Variants in TRDN observed in about 807,000 individuals in gnomAD.
TRDN encodes the protein triadin in skeletal muscle.
Under a neutral mutation model 149.7 loss-of-function variants are expected in TRDN, and 161 were observed. The ratio of observed to expected loss-of-function variants is 1.08; its 90% CI spans 0.95 to 1.23. The LOEUF is 1.23. Ranked by LOEUF, TRDN falls within the 50% of genes most tolerant of loss-of-function variation. TRDN has a pLI of 0.00. For synonymous variants in TRDN, 294 were observed against 250.5 expected (o/e 1.17, Z -1.64); for missense variants, 896 against 823.5 (o/e 1.09, Z -1.08).
chr6:123,585,905 G>A (rs1027789015), intron 1 of TRDN, among the ~76,000 whole-genome samples: 6 of 152,112 alleles, frequency 3.9e-5, no homozygotes, highest in Admixed American at 6.5e-5. Context: ...CCTTGAAGGC[G>A]AGGTTGATTA....
At chr6:123,613,552 A>C (rs542295241) in intron 1 of TRDN, among the ~76,000 whole-genome samples, 1 of 152,274 alleles carries the variant, frequency 6.6e-6, no homozygotes, top group South Asian at 2.1e-4. Context: ...GCATGGAGAC[A>C]GCTTGCAGTG....
chr6:123,396,727 G>A (rs1772747937), intron 12 of TRDN, among the ~76,000 whole-genome samples: 1 of 152,134 alleles, frequency 6.6e-6, no homozygotes, highest in Admixed American at 6.5e-5. Flanking sequence ...GGAACAACCT[G>A]ATTTACAAAA....
At position 123,324,420 on chromosome 6, in the gene TRDN, G is replaced by C. The variant is rs181319185; in HGVS notation, c.1471+7459C>G. On this transcript the variant is annotated intron_variant, in intron 23 of 40. Coordinates refer to ENST00000334268, the MANE Select transcript of TRDN (RefSeq NM_006073.4). ...TCTTGAGCCCAGGAGTTTGAGGCCA[G>C]CCTGAGCAACAGAGCAAGACCTCAT... Among the ~76,000 whole-genome samples the C allele has an allele frequency of 6.1e-3, 931 of 152,106 alleles. 9 individuals carry two copies. Among genetic ancestry groups the C allele is most frequent in the African/African-American group, 0.022 (902 of 41,494 alleles).
At chr6:123,291,179 A>G (rs773972197) in intron 24 of TRDN, among the ~76,000 whole-genome samples, 2 of 152,134 alleles carry the variant, frequency 1.3e-5, no homozygotes, top group Admixed American at 6.6e-5. Context: ...TTCTTTTCCA[A>G]GAAAGCATAT....
intron 12 of TRDN, among the ~76,000 whole-genome samples, chr6:123,420,555 G>GA (rs951439668): frequency 6.6e-6 from 1 of 152,176 alleles, no homozygotes; most frequent in African/African-American, 2.4e-5. Context: ...ACAATATTTA[G>GA]TTTTTCTCTA....
chr6:123,334,697 CT>C (rs1355855352), intron 22 of TRDN, among the ~76,000 whole-genome samples: 1 of 151,916 alleles, frequency 6.6e-6, no homozygotes, highest in Non-Finnish European at 1.5e-5. Context: ...ACATATCATT[CT>C]CCTGATTTTT....
At chr6:123,375,102 C>T (rs1375231898) in intron 19 of TRDN, among the ~76,000 whole-genome samples, 2 of 152,110 alleles carry the variant, frequency 1.3e-5, no homozygotes, top group Middle Eastern at 3.2e-3. Context: ...ACCATTGCTG[C>T]AAATGCCACA....
chr6:123,472,123 T>G (rs1411394026), intron 9 of TRDN, among the ~76,000 whole-genome samples: 1 of 152,126 alleles, frequency 6.6e-6, no homozygotes, highest in Non-Finnish European at 1.5e-5. Flanking sequence ...GCTCCCAGCG[T>G]GAGCGACGCA....
intron 12 of TRDN, among the ~76,000 whole-genome samples, chr6:123,423,652 T>C (rs1773997408): frequency 6.6e-6 from 1 of 152,130 alleles, no homozygotes; most frequent in Non-Finnish European, 1.5e-5. Flanking sequence ...ATTAATTAAA[T>C]CATGTAATGT....
intron 39 of TRDN, among the ~76,000 whole-genome samples, chr6:123,222,395 G>C (rs1159124078): frequency 6.6e-6 from 1 of 151,528 alleles, no homozygotes; most frequent in Non-Finnish European, 1.5e-5. Flanking sequence ...TTTAATTCTA[G>C]GGAGACCTAC....
At chr6:123,525,770 T>C (rs1203341256) in intron 5 of TRDN, among the ~76,000 whole-genome samples, 1 of 152,092 alleles carries the variant, frequency 6.6e-6, no homozygotes, top group Non-Finnish European at 1.5e-5. Context: ...GCATGCATGC[T>C]TGTCAAGACT....
chr6:123,351,385 A>G, intron 21 of TRDN: 2 of 984,324 alleles, frequency 2.0e-6, no homozygotes, highest in Non-Finnish European at 2.4e-6. Context: ...CGCATAAATG[A>G]ACACACTGAA....
At chr6:123,333,965 G>A (rs544198345) in intron 22 of TRDN, among the ~76,000 whole-genome samples, 2 of 152,120 alleles carry the variant, frequency 1.3e-5, no homozygotes, top group Admixed American at 1.3e-4. Context: ...CACGAACATT[G>A]TTATGGAAAA....
intron 4 of TRDN, among the ~76,000 whole-genome samples, chr6:123,546,965 A>G (rs1445540148): frequency 6.6e-6 from 1 of 152,082 alleles, no homozygotes; most frequent in Middle Eastern, 3.2e-3. Flanking sequence ...AAATAAAAGG[A>G]AAAGAATAAG....
intron 38 of TRDN, among the ~76,000 whole-genome samples, chr6:123,224,617 C>T (rs1177236371): frequency 6.6e-6 from 1 of 151,644 alleles, no homozygotes; most frequent in Non-Finnish European, 1.5e-5. Context: ...ATACATGAGT[C>T]AACTAATCTT....
intron 2 of TRDN, among the ~76,000 whole-genome samples, chr6:123,564,317 G>C (rs1782164044): frequency 6.6e-6 from 1 of 152,164 alleles, no homozygotes; most frequent in Non-Finnish European, 1.5e-5. Flanking sequence ...TGAAAACTCA[G>C]TACACATGAG....
At chr6:123,557,428 A>G (rs1781731979) in intron 2 of TRDN, among the ~76,000 whole-genome samples, 1 of 151,298 alleles carries the variant, frequency 6.6e-6, no homozygotes, top group African/African-American at 2.4e-5. Flanking sequence ...GCCTCTTTCT[A>G]CTCTCTTCTC....
At chr6:123,380,893 T>C (rs1781691829) in intron 16 of TRDN, among the ~76,000 whole-genome samples, 1 of 152,014 alleles carries the variant, frequency 6.6e-6, no homozygotes. Flanking sequence ...ACAGAGCTCA[T>C]AGTGAGTGTA....
intron 21 of TRDN, among the ~76,000 whole-genome samples, chr6:123,347,257 C>T (rs1780290117): frequency 6.6e-6 from 1 of 152,062 alleles, no homozygotes; most frequent in South Asian, 2.1e-4. Flanking sequence ...GAAAAACTGA[C>T]AGTACAAAGT....
Sources: allele counts gnomAD v4.1 joint callset (sites outside exome capture counted in the v4.1 genomes callset), GRCh38; gene constraint gnomAD v4.1.1; transcripts MANE v1.5; gene names NCBI Gene and HGNC (gene_info 2026-07-23, HGNC 2026-07-21).